FGF14: variants seen among roughly 807,000 people sequenced by gnomAD.
FGF14 encodes the protein fibroblast growth factor homologous factor 4.
A neutral mutation model predicts 25.5 loss-of-function variants in FGF14; 5 were observed. The observed-to-expected ratio is 0.20, with a 90% CI of 0.10 to 0.41. The LOEUF is 0.41. FGF14 is among the 10% of genes least tolerant of loss of function. The pLI, the probability that FGF14 is intolerant of heterozygous loss-of-function variation, is 1.00. For synonymous variants in FGF14, 138 were observed against 118.3 expected (o/e 1.17, Z -1.08); for missense variants, 222 against 320.1 (o/e 0.69, Z 2.34).
intron 1 of FGF14, among the ~76,000 whole-genome samples, chr13:102,120,612 G>T (rs942729477): frequency 1.3e-5 from 2 of 152,026 alleles, no homozygotes; most frequent in African/African-American, 4.8e-5. Context: ...CTGGTGAAAT[G>T]CAGCTTTCCA....
chr13:102,370,633 G>A (rs1468079404), intron 1 of FGF14, among the ~76,000 whole-genome samples: 1 of 151,886 alleles, frequency 6.6e-6, no homozygotes, highest in African/African-American at 2.4e-5. Flanking sequence ...AAATCATTAT[G>A]TGTCAGACAA....
chr13:101,765,233 T>C (rs1406203535), intron 3 of FGF14, among the ~76,000 whole-genome samples: 3 of 152,208 alleles, frequency 2.0e-5, no homozygotes, highest in Non-Finnish European at 2.9e-5. Context: ...TTGTCAGATA[T>C]TAGAGTTGAC....
At position 102,093,745 on chromosome 13, in the gene FGF14, T is replaced by G. The variant is rs1013293019; in HGVS notation, c.209-218449A>C. On this transcript the variant is annotated intron_variant, in intron 1 of 4. Transcript: ENST00000376131. ...AAACAGTTAAATTGCTTGGTATGTA[T>G]TACAGATTGAGGTCTGCAGCTGTGG... is the stretch of plus-strand genomic sequence containing the variant. 1.1e-4 allele frequency among the ~76,000 whole-genome samples: 17 copies of G among 151,682 alleles called. No homozygotes were observed. In the South Asian group the frequency reaches 3.1e-3, roughly 28 times the overall value.
chr13:102,264,445 A>G (rs982555001), intron 1 of FGF14, among the ~76,000 whole-genome samples: 8 of 152,190 alleles, frequency 5.3e-5, no homozygotes, highest in African/African-American at 1.9e-4. Context: ...TTATATGGCT[A>G]TTAGATCGTC....
intron 3 of FGF14, among the ~76,000 whole-genome samples, chr13:101,727,223 T>A (rs1177452482): frequency 6.6e-6 from 1 of 152,134 alleles, no homozygotes; most frequent in Non-Finnish European, 1.5e-5. Flanking sequence ...GATATAATAC[T>A]CTACAGTTGC....
At chr13:101,807,714 C>T (rs184299312) in intron 3 of FGF14, among the ~76,000 whole-genome samples, 371 of 151,940 alleles carry the variant, frequency 2.4e-3, no homozygotes, top group African/African-American at 8.1e-3. Context: ...TATATCACTT[C>T]GAAACAAAGG....
Position 101,722,846 on chromosome 13 carries a change from C to T in FGF14, c.729G>A (p.Lys243=), listed in dbSNP as rs888843697. ...AIMNGGKPVN[K]SKTT ...GAGGATCTGGCTATGTTGTCTTACTCTTGTTGACTGGTTTGCCTCCATTCA... is the reference window on the plus strand; with the variant it reads ...GAGGATCTGGCTATGTTGTCTTACTTTTGTTGACTGGTTTGCCTCCATTCA... Residue 243 remains lysine, a synonymous_variant, in exon 5 of 5, where the codon AAG becomes AAA. Coordinates refer to ENST00000376143, the MANE Select transcript of FGF14 (RefSeq NM_004115.4). The T allele has an allele frequency of 6.2e-7, 1 of 1,613,174 alleles. No individual in the cohort carries two copies. The highest frequency in any genetic ancestry group is 1.3e-5 in the African/African-American group (1 of 74,838).
intron 1 of FGF14, among the ~76,000 whole-genome samples, chr13:102,221,804 C>T (rs2050625373): frequency 6.6e-6 from 1 of 152,112 alleles, no homozygotes; most frequent in Admixed American, 6.6e-5. Context: ...TATGTCATTG[C>T]TTAATTTCCT....
intron 1 of FGF14, among the ~76,000 whole-genome samples, chr13:101,940,003 C>A (rs1416012815): frequency 2.6e-5 from 4 of 152,290 alleles, no homozygotes; most frequent in African/African-American, 9.6e-5. Context: ...TCAGAGAGCT[C>A]TGGGTGGGAT....
At chr13:102,127,547 T>C (rs998961856) in intron 1 of FGF14, among the ~76,000 whole-genome samples, 4 of 152,228 alleles carry the variant, frequency 2.6e-5, no homozygotes, top group African/African-American at 7.2e-5. Context: ...CAAAGAGGAT[T>C]TGTATAACTT....
intron 1 of FGF14, among the ~76,000 whole-genome samples, chr13:102,228,685 T>C (rs1363595592): frequency 2.0e-5 from 3 of 152,138 alleles, no homozygotes; most frequent in Non-Finnish European, 4.4e-5. Context: ...ATTTTACAGA[T>C]AAGAAAGCAG....
intron 3 of FGF14, among the ~76,000 whole-genome samples, chr13:101,732,399 G>A (rs1414389778): frequency 6.6e-6 from 1 of 152,098 alleles, no homozygotes; most frequent in African/African-American, 2.4e-5. Context: ...ATAGAGAAAC[G>A]ATATTAGACA....
intron 3 of FGF14, among the ~76,000 whole-genome samples, chr13:101,752,319 T>C (rs2037338214): frequency 6.6e-6 from 1 of 152,204 alleles, no homozygotes; most frequent in Non-Finnish European, 1.5e-5. Context: ...AACAGTCTAA[T>C]GCACTGTTGA....
chr13:101,954,749 C>T (rs1420285889), intron 1 of FGF14, among the ~76,000 whole-genome samples: 1 of 152,112 alleles, frequency 6.6e-6, no homozygotes, highest in African/African-American at 2.4e-5. Context: ...TGCACATGCA[C>T]AGCCATAAGA....
intron 3 of FGF14, among the ~76,000 whole-genome samples, chr13:101,751,418 G>A (rs1473355164): frequency 6.6e-6 from 1 of 152,114 alleles, no homozygotes; most frequent in Admixed American, 6.6e-5. Flanking sequence ...CAGGGTGGAG[G>A]AGGATGTTGG....
At chr13:102,182,009 C>T (rs971623860) in intron 1 of FGF14, among the ~76,000 whole-genome samples, 26 of 152,186 alleles carry the variant, frequency 1.7e-4, no homozygotes, top group African/African-American at 5.5e-4. Context: ...AAATAATTGC[C>T]GTTGTTTTCA....
upstream of FGF14, among the ~76,000 whole-genome samples, chr13:101,918,402 CTGGAAATTCAG>C (rs2033738474): frequency 6.6e-6 from 1 of 152,198 alleles, no homozygotes; most frequent in African/African-American, 2.4e-5. Context: ...AACTAGACTT[CTGGAAATTCAG>C]TGTGAAGCAA....
At chr13:102,075,629 T>C (rs1322736355) in intron 1 of FGF14, among the ~76,000 whole-genome samples, 1 of 152,216 alleles carries the variant, frequency 6.6e-6, no homozygotes, top group Non-Finnish European at 1.5e-5. Flanking sequence ...TACTATACAT[T>C]TTATCATTAT....
At position 101,722,752 on chromosome 13, in the gene FGF14, C is replaced by A; in HGVS notation, c.*79G>T. Reference sequence around the variant, plus strand: ...CTTACTTCCTGCTGCTCTTCAGCCACGGAGCAGGAATGTCTGGTGAGGATA... The same window carrying A: ...CTTACTTCCTGCTGCTCTTCAGCCAAGGAGCAGGAATGTCTGGTGAGGATA... On this transcript the variant is annotated 3_prime_UTR_variant, in exon 5 of 5. Coordinates refer to ENST00000376143, the MANE Select transcript of FGF14 (RefSeq NM_004115.4). 1 of 1,585,238 alleles carries A rather than the reference C, an allele frequency of 6.3e-7. No homozygotes were observed. Among genetic ancestry groups the A allele is most frequent in the South Asian group, 1.1e-5 (1 of 90,016 alleles).
Sources: allele counts gnomAD v4.1 joint callset (sites outside exome capture counted in the v4.1 genomes callset), GRCh38; gene constraint gnomAD v4.1.1; transcripts MANE v1.5; gene names NCBI Gene and HGNC (gene_info 2026-07-23, HGNC 2026-07-21).